WWOX: variants seen among roughly 807,000 people sequenced by gnomAD.
WWOX encodes WW domain-containing oxidoreductase.
WWOX carries 69 observed loss-of-function variants against 46.2 expected under a neutral mutation model. The ratio of observed to expected loss-of-function variants is 1.49; its 90% confidence interval spans 1.23 to 1.82. The LOEUF is 1.82. Among genes scored for constraint, WWOX ranks in the 40% most tolerant of loss-of-function variants. The pLI, the probability that WWOX is intolerant of heterozygous loss-of-function variation, is 0.00. For synonymous variants in WWOX, 359 were observed against 202.6 expected (o/e 1.77, Z -6.56); for missense variants, 919 against 542.6 (o/e 1.69, Z -6.89).
At chr16:79,014,521 T>G (rs2047374279) in intron 8 of WWOX, among the ~76,000 whole-genome samples, 2 of 152,252 alleles carry the variant, frequency 1.3e-5, no homozygotes, top group Admixed American at 1.3e-4. Context: ...CAGATCCTTC[T>G]AAGATTTTTC....
At chr16:78,746,545 G>A (rs2049351260) in intron 8 of WWOX, among the ~76,000 whole-genome samples, 1 of 151,762 alleles carries the variant, frequency 6.6e-6, no homozygotes, top group South Asian at 2.1e-4. Flanking sequence ...ATGGCCTCAT[G>A]AGCAGTGAAA....
intron 5 of WWOX, among the ~76,000 whole-genome samples, chr16:78,174,024 G>A (rs1363353305): frequency 6.6e-6 from 1 of 152,076 alleles, no homozygotes; most frequent in Admixed American, 6.5e-5. Context: ...CCCTTCATGA[G>A]GATTCCACTC....
intron 8 of WWOX, among the ~76,000 whole-genome samples, chr16:78,450,499 A>G (rs1323895093): frequency 3.5e-4 from 53 of 152,348 alleles, no homozygotes; most frequent in Middle Eastern, 3.4e-3. Context: ...AGTTATAAAA[A>G]GTATATTTGC....
At chr16:78,293,896 A>G (rs1325229292) in intron 5 of WWOX, among the ~76,000 whole-genome samples, 1 of 142,278 alleles carries the variant, frequency 7.0e-6, no homozygotes, top group Non-Finnish European at 1.5e-5. Context: ...GAATTGCTTG[A>G]ACCCTGGTAG....
At chr16:78,281,792 G>A (rs539898165) in intron 5 of WWOX, among the ~76,000 whole-genome samples, 15 of 152,164 alleles carry the variant, frequency 9.9e-5, no homozygotes, top group East Asian at 7.7e-4. Flanking sequence ...GAACACAGCC[G>A]TGTTTGGCCC....
intron 5 of WWOX, among the ~76,000 whole-genome samples, chr16:78,324,585 G>C (rs957828595): frequency 3.3e-5 from 5 of 152,120 alleles, no homozygotes; most frequent in African/African-American, 7.2e-5. Flanking sequence ...GCGTGTAATG[G>C]AATATTCCAT....
chr16:78,314,020 T>C (rs1429478100), intron 5 of WWOX, among the ~76,000 whole-genome samples: 7 of 152,160 alleles, frequency 4.6e-5, no homozygotes, highest in African/African-American at 1.7e-4. Context: ...GCTTCATCTT[T>C]CTGTGCCTCA....
chr16:78,698,234 G>A (rs1309988298), intron 8 of WWOX, among the ~76,000 whole-genome samples: 1 of 152,134 alleles, frequency 6.6e-6, no homozygotes, highest in African/African-American at 2.4e-5. Flanking sequence ...TTCGGGCACT[G>A]GTGACAGTGA....
intron 8 of WWOX, among the ~76,000 whole-genome samples, chr16:78,690,910 T>C (rs962841768): frequency 6.6e-6 from 1 of 152,208 alleles, no homozygotes; most frequent in Non-Finnish European, 1.5e-5. Flanking sequence ...ATATTGCAGG[T>C]GGCCGAAGCC....
chr16:78,297,083 CT>C (rs2079954571), intron 5 of WWOX, among the ~76,000 whole-genome samples: 1 of 152,156 alleles, frequency 6.6e-6, no homozygotes. Context: ...GCACAAGTTT[CT>C]TTTTCTAGCC....
chr16:78,747,947 C>A (rs545569612), intron 8 of WWOX, among the ~76,000 whole-genome samples: 1 of 152,088 alleles, frequency 6.6e-6, no homozygotes, highest in Admixed American at 6.5e-5. Context: ...ATCCTGCAGC[C>A]GAAATAACCA....
chr16:78,493,963 A>C (rs1465770808), intron 8 of WWOX, among the ~76,000 whole-genome samples: 1 of 152,194 alleles, frequency 6.6e-6, no homozygotes, highest in African/African-American at 2.4e-5. Context: ...GTCGATTCTC[A>C]CACTGCTATA....
chr16:79,103,237 C>A (rs1325299493), intron 8 of WWOX, among the ~76,000 whole-genome samples: 2 of 152,118 alleles, frequency 1.3e-5, no homozygotes, highest in African/African-American at 2.4e-5. Context: ...CAGCTGGACT[C>A]CGTGTTTGAA....
At chr16:79,144,927 G>T (rs2050156969) in intron 8 of WWOX, among the ~76,000 whole-genome samples, 1 of 152,142 alleles carries the variant, frequency 6.6e-6, no homozygotes, top group South Asian at 2.1e-4. Context: ...AGGTATGTAT[G>T]TATAGGAAGA....
intron 5 of WWOX, among the ~76,000 whole-genome samples, chr16:78,245,787 A>T (rs192832173): frequency 6.6e-6 from 1 of 152,312 alleles, no homozygotes; most frequent in Non-Finnish European, 1.5e-5. Context: ...CAGCGCAGAC[A>T]ATATTCTTCC....
At chr16:78,332,146 A>G (rs1313182177) in intron 5 of WWOX, among the ~76,000 whole-genome samples, 1 of 152,082 alleles carries the variant, frequency 6.6e-6, no homozygotes, top group African/African-American at 2.4e-5. Context: ...TTTTGTGCCC[A>G]CCTACATCCT....
chr16:79,129,834 A>G (rs777130220), intron 8 of WWOX, among the ~76,000 whole-genome samples: 6 of 152,212 alleles, frequency 3.9e-5, no homozygotes, highest in Non-Finnish European at 7.3e-5. Context: ...GGAGGGTGAC[A>G]GCCTGGGTCA....
chr16:78,356,061 T>A (rs115076043), intron 5 of WWOX, among the ~76,000 whole-genome samples: 4,026 of 94,742 alleles, frequency 0.042, 223 homozygotes, highest in African/African-American at 0.15. Flanking sequence ...CCACCAAGAT[T>A]TTTTTTTCCT....
chr16:78,354,807 A>T (rs569840435), intron 5 of WWOX, among the ~76,000 whole-genome samples: 1 of 152,034 alleles, frequency 6.6e-6, no homozygotes, highest in Non-Finnish European at 1.5e-5. Flanking sequence ...ACACTTCTTG[A>T]TATTTTTGAT....
Sources: allele counts gnomAD v4.1 joint callset (sites outside exome capture counted in the v4.1 genomes callset), GRCh38; gene constraint gnomAD v4.1.1; transcripts MANE v1.5; gene names NCBI Gene and HGNC (gene_info 2026-07-23, HGNC 2026-07-21).